Variants in ARHGAP24 observed in about 807,000 individuals in gnomAD.
The protein encoded by ARHGAP24 is rho GTPase-activating protein 24.
A neutral mutation model predicts 76.4 loss-of-function variants in ARHGAP24; 50 were observed. The observed-to-expected ratio is 0.65, with a 90% CI of 0.52 to 0.83. ARHGAP24 has a LOEUF of 0.83. Ranked by LOEUF, ARHGAP24 falls within the 40% of genes least tolerant of loss-of-function variation. ARHGAP24 has a pLI of 0.00. For synonymous variants in ARHGAP24, 345 were observed against 323.3 expected, an observed-to-expected ratio of 1.07 and a Z score of -0.72; for missense variants, 930 against 914.2, an observed-to-expected ratio of 1.02 and a Z score of -0.22.
intron 3 of ARHGAP24, among the ~76,000 whole-genome samples, chr4:85,793,236 T>G (rs1017017934): frequency 6.6e-6 from 1 of 152,180 alleles, no homozygotes; most frequent in Middle Eastern, 3.2e-3. Context: ...GAAGTAACTC[T>G]AAAATGTATA....
chr4:85,747,621 TGAAC>T (rs1560613777), intron 3 of ARHGAP24, among the ~76,000 whole-genome samples: 2 of 152,126 alleles, frequency 1.3e-5, no homozygotes, highest in Admixed American at 1.3e-4. Context: ...GAGAATGGCG[TGAAC>T]CCGGGAAGCG....
intron 3 of ARHGAP24, among the ~76,000 whole-genome samples, chr4:85,845,238 C>T (rs1002316074): frequency 2.0e-5 from 3 of 152,096 alleles, no homozygotes; most frequent in Non-Finnish European, 2.9e-5. Context: ...TGATTTTACC[C>T]AACCTGTGTA....
intron 3 of ARHGAP24, among the ~76,000 whole-genome samples, chr4:85,914,669 C>G (rs1483991400): frequency 6.6e-6 from 1 of 152,160 alleles, no homozygotes; most frequent in Non-Finnish European, 1.5e-5. Flanking sequence ...TTAGGAATGC[C>G]TATACTTCTC....
chr4:85,551,867 C>T (rs767871603), intron 1 of ARHGAP24, among the ~76,000 whole-genome samples: 1 of 151,912 alleles, frequency 6.6e-6, no homozygotes, highest in South Asian at 2.1e-4. Flanking sequence ...GTGTATTGGT[C>T]ATGTCCCTTT....
chr4:85,672,630 A>G (rs999392310), intron 2 of ARHGAP24, among the ~76,000 whole-genome samples: 1 of 152,182 alleles, frequency 6.6e-6, no homozygotes, highest in African/African-American at 2.4e-5. Context: ...CAAACCAAAA[A>G]GAGAGGTATT....
chr4:85,847,681 G>A (rs1403246653), intron 3 of ARHGAP24, among the ~76,000 whole-genome samples: 1 of 152,158 alleles, frequency 6.6e-6, no homozygotes, highest in East Asian at 1.9e-4. Flanking sequence ...GAACTGCAAG[G>A]TGATCAGTTT....
intron 3 of ARHGAP24, among the ~76,000 whole-genome samples, chr4:85,840,829 T>C (rs1182320794): frequency 6.6e-6 from 1 of 152,232 alleles, no homozygotes; most frequent in African/African-American, 2.4e-5. Context: ...GGATAAAGGG[T>C]ATAAGCAGAT....
intron 2 of ARHGAP24, among the ~76,000 whole-genome samples, chr4:85,683,801 G>C (rs1430225765): frequency 6.6e-6 from 1 of 152,000 alleles, no homozygotes; most frequent in Non-Finnish European, 1.5e-5. Flanking sequence ...TCTCTACCTT[G>C]GCTTCTCTGA....
intron 2 of ARHGAP24, among the ~76,000 whole-genome samples, chr4:85,682,697 C>T (rs1410001488): frequency 6.6e-6 from 1 of 152,208 alleles, no homozygotes; most frequent in Non-Finnish European, 1.5e-5. Context: ...CGGTTCTTTG[C>T]ACTTTGCTTG....
At chr4:85,584,192 C>T (rs2109974694) in intron 2 of ARHGAP24, among the ~76,000 whole-genome samples, 1 of 152,176 alleles carries the variant, frequency 6.6e-6, no homozygotes, top group African/African-American at 2.4e-5. Flanking sequence ...GGAACCAACC[C>T]AGATGTCCAA....
intron 1 of ARHGAP24, among the ~76,000 whole-genome samples, chr4:85,541,355 A>C (rs1305614239): frequency 8.1e-6 from 1 of 123,090 alleles, no homozygotes; most frequent in Non-Finnish European, 1.5e-5. Flanking sequence ...GGGTTTCACC[A>C]TTTTAGCCGG....
At chr4:85,898,746 T>A (rs1734332737) in intron 3 of ARHGAP24, among the ~76,000 whole-genome samples, 2 of 152,146 alleles carry the variant, frequency 1.3e-5, no homozygotes, top group Non-Finnish European at 2.9e-5. Context: ...GTGCATACAT[T>A]ATTTTTTTTT....
At position 85,846,257 on chromosome 4, in the gene ARHGAP24, G is replaced by T. The variant is rs1042509914; in HGVS notation, c.269-77391G>T. ...CCACCTATTATGTTATTTTCATGGGGTTATTACTTACATGTCTAAAAGCCA... is the reference window on the plus strand; with the variant it reads ...CCACCTATTATGTTATTTTCATGGGTTTATTACTTACATGTCTAAAAGCCA... On this transcript the variant is annotated intron_variant, in intron 3 of 9. Coordinates refer to ENST00000395184, the MANE Select transcript of ARHGAP24 (RefSeq NM_001025616.3). 3.9e-5 allele frequency among the ~76,000 whole-genome samples: 6 copies of T among 152,192 alleles called. No homozygotes were observed. In the South Asian group the frequency reaches 6.2e-4, roughly 16 times the overall value.
intron 2 of ARHGAP24, among the ~76,000 whole-genome samples, chr4:85,586,580 G>T (rs1033975625): frequency 1.3e-5 from 2 of 152,100 alleles, no homozygotes; most frequent in African/African-American, 2.4e-5. Context: ...ATTATAATTC[G>T]TATAAGGGAT....
chr4:85,705,880 T>G (rs1373077931), intron 2 of ARHGAP24, among the ~76,000 whole-genome samples: 1 of 152,176 alleles, frequency 6.6e-6, no homozygotes, highest in Non-Finnish European at 1.5e-5. Flanking sequence ...GAGGAATATC[T>G]GAGTCATGAG....
At chr4:85,657,563 A>G (rs1355572720) in intron 2 of ARHGAP24, among the ~76,000 whole-genome samples, 1 of 152,206 alleles carries the variant, frequency 6.6e-6, no homozygotes, top group Non-Finnish European at 1.5e-5. Flanking sequence ...AAAATGGTCA[A>G]AACAGAGTAG....
Position 85,872,685 on chromosome 4 carries a change from C to T in ARHGAP24, c.269-50963C>T, listed in dbSNP as rs1250361772. Among the ~76,000 whole-genome samples, 14 of 141,574 alleles carry T rather than the reference C, an allele frequency of 9.9e-5. No individual in the cohort carries two copies. The Admixed American group carries it at 1.1e-3, about 11-fold the overall frequency. 92.9% of individuals were successfully genotyped at this position (141,574 alleles called of 152,430 possible). Reference sequence around the variant, plus strand: ...CAATCTCAGCTCATTGCAACCTCTGCCTCCCAGGTTCAAGCAATTCTTACG... The same window carrying T: ...CAATCTCAGCTCATTGCAACCTCTGTCTCCCAGGTTCAAGCAATTCTTACG... On this transcript the variant is annotated intron_variant, in intron 3 of 9. Coordinates refer to ENST00000395184, the MANE Select transcript of ARHGAP24 (RefSeq NM_001025616.3).
chr4:85,628,264 T>A (rs1721039124), intron 2 of ARHGAP24, among the ~76,000 whole-genome samples: 1 of 152,274 alleles, frequency 6.6e-6, no homozygotes, highest in Admixed American at 6.5e-5. Flanking sequence ...CAGGAGCATG[T>A]TGTTTAGTTT....
At chr4:85,845,029 C>T (rs1730801578) in intron 3 of ARHGAP24, among the ~76,000 whole-genome samples, 1 of 152,150 alleles carries the variant, frequency 6.6e-6, no homozygotes, top group Non-Finnish European at 1.5e-5. Flanking sequence ...TCACTTCTCC[C>T]TGCATTTTTT....
Sources: allele counts gnomAD v4.1 joint callset (sites outside exome capture counted in the v4.1 genomes callset), GRCh38; gene constraint gnomAD v4.1.1; transcripts MANE v1.5; gene names NCBI Gene and HGNC (gene_info 2026-07-23, HGNC 2026-07-21).